GALNT17: variants seen among roughly 807,000 people sequenced by gnomAD.
GALNT17 encodes polypeptide N-acetylgalactosaminyltransferase 17, also known as UDP-GalNAc:polypeptide N-acetylgalactosaminyltransferase-like 3.
In GALNT17, 29 loss-of-function variants were observed where a neutral mutation model predicts 63.7. That is an observed-to-expected ratio of 0.46 (90% CI 0.34 to 0.62). The LOEUF is 0.62. Among genes scored for constraint, GALNT17 ranks in the 20% least tolerant of loss-of-function variants. GALNT17 has a pLI of 0.01. For missense variants in GALNT17, 603 were observed against 799.6 expected (o/e 0.75, Z 2.97); for synonymous variants, 305 against 318.3 (o/e 0.96, Z 0.45).
chr7:71,655,190 G>A (rs181387893), intron 6 of GALNT17, among the ~76,000 whole-genome samples: 3 of 152,096 alleles, frequency 2.0e-5, no homozygotes, highest in Non-Finnish European at 4.4e-5. Context: ...AGGAGTTTGA[G>A]GTTACCATGA....
At chr7:71,512,866 G>A (rs1788384122) in intron 5 of GALNT17, among the ~76,000 whole-genome samples, 1 of 152,154 alleles carries the variant, frequency 6.6e-6, no homozygotes, top group Admixed American at 6.5e-5. Flanking sequence ...GGCTGTCAAG[G>A]GAAACATTTC....
At chr7:71,578,030 T>TTTA (rs1554311564) in intron 6 of GALNT17, among the ~76,000 whole-genome samples, 18 of 119,466 alleles carry the variant, frequency 1.5e-4, no homozygotes, top group African/African-American at 5.5e-4. Flanking sequence ...TATTTATTTA[T>TTTA]TTATTTATTT....
chr7:71,291,186 C>T (rs914228442), intron 1 of GALNT17, among the ~76,000 whole-genome samples: 1 of 152,174 alleles, frequency 6.6e-6, no homozygotes, highest in Non-Finnish European at 1.5e-5. Flanking sequence ...CCAATTTCCC[C>T]AACACCTTTT....
At chr7:71,305,631 G>T (rs917621969) in intron 1 of GALNT17, among the ~76,000 whole-genome samples, 18 of 152,174 alleles carry the variant, frequency 1.2e-4, no homozygotes, top group African/African-American at 4.3e-4. Flanking sequence ...ACGGTGAGGG[G>T]ACGGGGGAGG....
Position 71,415,881 on chromosome 7 carries a change from A to G in GALNT17, c.590-8A>G, listed in dbSNP as rs79242556. Reference sequence around the variant, plus strand: ...TTATAGACCTTCTTGCATTTTTGTCATTTGCAGAGGAGCTGAAGGTCCCCC... The same window carrying G: ...TTATAGACCTTCTTGCATTTTTGTCGTTTGCAGAGGAGCTGAAGGTCCCCC... On this transcript the variant is annotated splice_region_variant and splice_polypyrimidine_tract_variant and intron_variant, in intron 3 of 10. Coordinates refer to ENST00000333538, the MANE Select transcript of GALNT17 (RefSeq NM_022479.3). The G allele has an allele frequency of 0.097, 151,952 of 1,567,538 alleles. 8,017 individuals are homozygous for G. Among genetic ancestry groups the G allele is most frequent in the Middle Eastern group, 0.2 (1,174 of 5,808 alleles).
At chr7:71,483,970 C>T (rs1416050049) in intron 5 of GALNT17, among the ~76,000 whole-genome samples, 2 of 152,126 alleles carry the variant, frequency 1.3e-5, no homozygotes, top group Non-Finnish European at 2.9e-5. Context: ...CTTCCACCTT[C>T]TTGTCTTGTC....
At chr7:71,202,304 G>T (rs563880652) in intron 1 of GALNT17, among the ~76,000 whole-genome samples, 44 of 152,196 alleles carry the variant, frequency 2.9e-4, no homozygotes, top group Non-Finnish European at 3.5e-4. Context: ...TATAACAGGA[G>T]TAGAGAAAAG....
At chr7:71,375,906 C>T (rs1189344782) in intron 2 of GALNT17, among the ~76,000 whole-genome samples, 2 of 152,042 alleles carry the variant, frequency 1.3e-5, no homozygotes, top group South Asian at 2.1e-4. Context: ...GGTAAAACCC[C>T]GACTGTACTG....
At chr7:71,312,048 CT>C (rs1791422123) in intron 1 of GALNT17, among the ~76,000 whole-genome samples, 1 of 152,214 alleles carries the variant, frequency 6.6e-6, no homozygotes, top group Non-Finnish European at 1.5e-5. Context: ...GTTACTGCCC[CT>C]GGCTGTGGCA....
chr7:71,332,848 C>A (rs933579644), intron 1 of GALNT17, among the ~76,000 whole-genome samples: 16 of 152,134 alleles, frequency 1.1e-4, no homozygotes, highest in African/African-American at 3.6e-4. Context: ...TGCACCACCA[C>A]ACCCAGCTAA....
chr7:71,587,970 C>T (rs1789743721), intron 6 of GALNT17, among the ~76,000 whole-genome samples: 1 of 152,156 alleles, frequency 6.6e-6, no homozygotes, highest in Non-Finnish European at 1.5e-5. Context: ...CCTGTCCTGT[C>T]TTGTTATTTA....
At chr7:71,691,597 T>A (rs1415158221) in intron 9 of GALNT17, among the ~76,000 whole-genome samples, 1 of 152,214 alleles carries the variant, frequency 6.6e-6, no homozygotes, top group Non-Finnish European at 1.5e-5. Flanking sequence ...GAAATCACAA[T>A]GACAGACATA....
chr7:71,522,529 C>A (rs2116755750), intron 5 of GALNT17, among the ~76,000 whole-genome samples: 1 of 152,214 alleles, frequency 6.6e-6, no homozygotes, highest in African/African-American at 2.4e-5. Context: ...CCTTATCAAA[C>A]CATCAGATCT....
intron 5 of GALNT17, among the ~76,000 whole-genome samples, chr7:71,550,859 T>C (rs1045621759): frequency 6.6e-6 from 1 of 152,208 alleles, no homozygotes; most frequent in Non-Finnish European, 1.5e-5. Context: ...TTTAAATCTC[T>C]GATTTTTTTT....
chr7:71,639,523 G>A (rs751324743), intron 6 of GALNT17, among the ~76,000 whole-genome samples: 5 of 152,290 alleles, frequency 3.3e-5, no homozygotes, highest in East Asian at 3.9e-4. Context: ...GCGATTGCAC[G>A]AGGAGGGCTG....
At chr7:71,387,818 G>A (rs1284464075) in intron 2 of GALNT17, among the ~76,000 whole-genome samples, 1 of 152,056 alleles carries the variant, frequency 6.6e-6, no homozygotes, top group African/African-American at 2.4e-5. Context: ...ACATATGCCT[G>A]GGACTGATGC....
intron 1 of GALNT17, among the ~76,000 whole-genome samples, chr7:71,299,507 C>T (rs1010993010): frequency 6.6e-6 from 1 of 152,156 alleles, no homozygotes; most frequent in Admixed American, 6.5e-5. Context: ...AGGCTCCACG[C>T]ATTCCACAGA....
chr7:71,439,987 C>G (rs1787036684), intron 5 of GALNT17, among the ~76,000 whole-genome samples: 1 of 149,690 alleles, frequency 6.7e-6, no homozygotes, highest in South Asian at 2.1e-4. Context: ...ACTCTGTCAC[C>G]CAGGCTGGAA....
chr7:71,632,338 C>T (rs1431945157), intron 6 of GALNT17, among the ~76,000 whole-genome samples: 33 of 152,298 alleles, frequency 2.2e-4, no homozygotes, highest in Admixed American at 2.0e-3. Context: ...GTTGTCCATG[C>T]ATGCATTCAT....
Sources: allele counts gnomAD v4.1 joint callset (sites outside exome capture counted in the v4.1 genomes callset), GRCh38; gene constraint gnomAD v4.1.1; transcripts MANE v1.5; gene names NCBI Gene and HGNC (gene_info 2026-07-23, HGNC 2026-07-21).